Variants in CLUAP1 observed in about 807,000 individuals in gnomAD.
CLUAP1 encodes intraflagellar transport 38.
CLUAP1 carries 50 observed loss-of-function variants against 55.0 expected under a neutral mutation model. That is an observed-to-expected ratio of 0.91 (90% CI 0.72 to 1.15). The LOEUF (loss-of-function observed/expected upper bound fraction) is 1.15, where lower values mean the gene tolerates loss of function less well. Ranked by LOEUF, CLUAP1 falls within the 50% of genes most tolerant of loss-of-function variation. CLUAP1 has a pLI of 0.00. For synonymous variants in CLUAP1, 195 were observed against 175.4 expected (o/e 1.11, Z -0.88); for missense variants, 530 against 507.6 (o/e 1.04, Z -0.42).
chr16:3,533,071 C>T (rs1567443096), intron 11 of CLUAP1: 1 of 1,534,110 alleles, frequency 6.5e-7, no homozygotes, highest in South Asian at 1.2e-5. Flanking sequence ...TGCCTTCTCA[C>T]TGTTCTTTCC....
chr16:3,506,927 T>G (rs2037517660), intron 3 of CLUAP1, among the ~76,000 whole-genome samples: 1 of 152,158 alleles, frequency 6.6e-6, no homozygotes, highest in Non-Finnish European at 1.5e-5. Flanking sequence ...CCAGGTGTGG[T>G]GGCTCACGCC....
intron 6 of CLUAP1, among the ~76,000 whole-genome samples, chr16:3,518,313 G>T (rs564047769): frequency 6.6e-6 from 1 of 152,312 alleles, no homozygotes; most frequent in African/African-American, 2.4e-5. Flanking sequence ...TATGTTAAAA[G>T]TAGAACACCC....
At chr16:3,525,031 C>G (rs2037914559) in intron 8 of CLUAP1, among the ~76,000 whole-genome samples, 1 of 152,152 alleles carries the variant, frequency 6.6e-6, no homozygotes, top group African/African-American at 2.4e-5. Context: ...TTTGGCAGAG[C>G]TATTTTGTTG....
rs981007656 is a variant in CLUAP1 at position 3,537,161 on chromosome 16, C to A, written c.*890C>A. Reference sequence around the variant, plus strand: ...CAAGACATAGTGCACAACACAGGGACAAAGGCAGGTTTCCTGCAGCTCGCT... The same window carrying A: ...CAAGACATAGTGCACAACACAGGGAAAAAGGCAGGTTTCCTGCAGCTCGCT... On this transcript the variant is annotated 3_prime_UTR_variant, in exon 12 of 12. Transcript: ENST00000576634. 1 of 152,152 alleles carries A rather than the reference C, an allele frequency of 6.6e-6. No homozygotes were observed. Among genetic ancestry groups the A allele is most frequent in the African/African-American group, 2.4e-5 (1 of 41,420 alleles). 9.4% of individuals were successfully genotyped at this position (152,152 alleles called of 1,614,324 possible).
the CLUAP1 span, among the ~76,000 whole-genome samples, chr16:3,495,786 G>A: frequency 2.6e-5 from 4 of 152,232 alleles, no homozygotes; most frequent in South Asian, 8.3e-4. Flanking sequence ...TACAGACCTA[G>A]GAAGACCTAG....
the CLUAP1 span, chr16:3,495,573 T>A: frequency 1.4e-6 from 2 of 1,465,792 alleles, no homozygotes; most frequent in Non-Finnish European, 1.8e-6. Flanking sequence ...GACCCCTAGT[T>A]TGGGAGAGGA....
At chr16:3,532,271 G>A (rs1028297059) in intron 10 of CLUAP1, among the ~76,000 whole-genome samples, 8 of 151,692 alleles carry the variant, frequency 5.3e-5, no homozygotes, top group African/African-American at 1.9e-4. Flanking sequence ...ATATCTTTAG[G>A]TTGCATCATT....
intron 10 of CLUAP1, 117 bp downstream of exon 10, chr16:3,530,792 T>G: frequency 1.5e-6 from 1 of 687,540 alleles, no homozygotes; most frequent in Non-Finnish European, 2.5e-6. Context: ...GAATGGCCCC[T>G]AGAAGCAGCT....
intron 2 of CLUAP1, among the ~76,000 whole-genome samples, 176 bp downstream of exon 2, chr16:3,505,007 A>C (rs1251357364): frequency 6.6e-6 from 1 of 152,170 alleles, no homozygotes; most frequent in Non-Finnish European, 1.5e-5. Context: ...CACTGCTCTC[A>C]TCCCAGCACT....
chr16:3,515,549 C>T lies in CLUAP1; in HGVS notation c.537C>T (p.Asn179=), dbSNP rs780427055. Reference sequence around the variant, plus strand: ...CCATTGCCAGACCTCTGGAAATAAACGAGACTGAAAAAGTGATGAGAATTG... The same window carrying T: ...CCATTGCCAGACCTCTGGAAATAAATGAGACTGAAAAAGTGATGAGAATTG... ...TEAIARPLEI[N]ETEKVMRIAI... The change falls in exon 6 of 12, where the codon AAC becomes AAT. Residue 179 remains asparagine (N), a synonymous_variant. Coordinates refer to ENST00000576634, the MANE Select transcript of CLUAP1 (RefSeq NM_015041.3). 15 of 1,599,408 alleles carry T rather than the reference C, an allele frequency of 9.4e-6. No homozygotes were observed. Among genetic ancestry groups the T allele is most frequent in the African/African-American group, 5.4e-5 (4 of 73,738 alleles).
chr16:3,496,990 C>G (rs981609869), upstream of CLUAP1, among the ~76,000 whole-genome samples: 1 of 151,760 alleles, frequency 6.6e-6, no homozygotes, highest in Non-Finnish European at 1.5e-5. Flanking sequence ...CCTGCCTCGG[C>G]CTCCCCAGCA....
chr16:3,533,127 A>T, intron 11 of CLUAP1: 2 of 1,536,076 alleles, frequency 1.3e-6, no homozygotes, highest in Non-Finnish European at 1.7e-6. Flanking sequence ...CTCTTAGGTA[A>T]ATGCAAGACT....
At chr16:3,495,594 G>A in the CLUAP1 span, 1 of 1,366,700 alleles carries the variant, frequency 7.3e-7, no homozygotes, top group Non-Finnish European at 9.7e-7. Flanking sequence ...CAGTGCCCAA[G>A]GCAAGGGCAG....
At chr16:3,530,730 C>G in intron 10 of CLUAP1, 55 bp downstream of exon 10, 1 of 1,374,242 alleles carries the variant, frequency 7.3e-7, no homozygotes, top group Non-Finnish European at 1.0e-6. Flanking sequence ...CACAGAACAC[C>G]TGGCCAGGAC....
chr16:3,501,048 C>T lies in CLUAP1; in HGVS notation c.-20C>T, dbSNP rs1458567389. 6 of 1,598,530 alleles carry T rather than the reference C, an allele frequency of 3.8e-6. No homozygotes were observed. Among genetic ancestry groups the T allele is most frequent in the African/African-American group, 1.3e-5 (1 of 74,690 alleles). ...AGGGGCGAGCAGTTGCGACCCTGGG[C>T]TCCTGGGGACCTGAGCGTTATGTCT... On this transcript the variant is annotated 5_prime_UTR_variant, in exon 1 of 12. Transcript: ENST00000576634.
rs2038072269 is a variant in CLUAP1, at chr16:3,529,812, AT to A, written c.929-754del. Among the ~76,000 whole-genome samples the A allele has an allele frequency of 2.2e-4, 15 of 69,534 alleles. 3 individuals are homozygous for A. Among genetic ancestry groups the A allele is most frequent in the African/African-American group, 8.9e-4 (13 of 14,568 alleles). 45.6% of individuals were successfully genotyped at this position (69,534 alleles called of 152,430 possible). A position where few individuals can be genotyped will look rare whatever the true frequency, so the allele number is the denominator to read the frequency against. On this transcript the variant is annotated intron_variant, in intron 9 of 11. Coordinates refer to ENST00000576634, the MANE Select transcript of CLUAP1 (RefSeq NM_015041.3). ...ATATATATTATATTATTATATATAT[AT>A]TATAATATAATATATTATATAATAT...
At chr16:3,532,308 T>C (rs1316102998) in intron 10 of CLUAP1, among the ~76,000 whole-genome samples, 1 of 152,002 alleles carries the variant, frequency 6.6e-6, no homozygotes. Context: ...GGTCAAAGGT[T>C]CCATAAATTT....
chr16:3,501,003 C>A, upstream of CLUAP1: 3 of 1,529,308 alleles, frequency 2.0e-6, no homozygotes, highest in Non-Finnish European at 2.7e-6. Context: ...GATCGTCGAG[C>A]GCTGGGCCTG....
intron 8 of CLUAP1, among the ~76,000 whole-genome samples, chr16:3,524,843 G>A (rs2037911522): frequency 6.6e-6 from 1 of 152,122 alleles, no homozygotes; most frequent in Non-Finnish European, 1.5e-5. Context: ...GGAATTTAGA[G>A]CAAAGGAAAT....
Sources: allele counts gnomAD v4.1 joint callset (sites outside exome capture counted in the v4.1 genomes callset), GRCh38; gene constraint gnomAD v4.1.1; transcripts MANE v1.5; gene names NCBI Gene and HGNC (gene_info 2026-07-23, HGNC 2026-07-21).